The following ZNF557 variants were observed in gnomAD, a reference collection of about 807,000 sequenced individuals.
ZNF557 encodes zinc finger protein 557, also known as CTB-25J19.9.
In ZNF557, 19 loss-of-function variants were observed where a neutral mutation model predicts 21.2. That is an observed-to-expected ratio of 0.90 (90% CI 0.63 to 1.32). The LOEUF is 1.32. ZNF557 is among the 40% of genes most tolerant of loss of function. The pLI, the probability that ZNF557 is intolerant of heterozygous loss-of-function variation, is 0.00. For missense variants in ZNF557, 487 were observed against 519.8 expected, an observed-to-expected ratio of 0.94 and a Z score of 0.61; for synonymous variants, 207 against 194.8, an observed-to-expected ratio of 1.06 and a Z score of -0.52.
intron 4 of ZNF557, 68 bp downstream of exon 4, chr19:7,075,811 A>G (rs1977577282): frequency 3.2e-6 from 5 of 1,578,422 alleles, no homozygotes; most frequent in Middle Eastern, 1.7e-4. Context: ...GATGCCTTTC[A>G]GTGGCCTGGA....
rs1350947923 is a variant in ZNF557 at position 7,083,326 on chromosome 19, A to G, written c.875A>G (p.Tyr292Cys). The change falls in exon 8 of 8, where the codon TAT becomes TGT. Residue 292 changes from tyrosine (Y) to cysteine (C), a missense_variant. Transcript: ENST00000252840. ...AGAGTTCATACGGGGGAGGGTCATTATGTATGTAATCAGTGTGGAAAGGCT... is the reference window on the plus strand; with the variant it reads ...AGAGTTCATACGGGGGAGGGTCATTGTGTATGTAATCAGTGTGGAAAGGCT... ...HKRVHTGEGHYVCNQCGKAFG... is the reference protein window; with the variant it reads ...HKRVHTGEGHCVCNQCGKAFG... 1.9e-6 allele frequency: 3 copies of G among 1,614,214 alleles called. No homozygotes were observed. The highest frequency in any genetic ancestry group is 8.5e-7 in the Non-Finnish European group (1 of 1,180,032).
chr19:7,082,836 A>G, intron 7 of ZNF557, 42 bp from the exon 8 acceptor site: 1 of 1,513,152 alleles, frequency 6.6e-7, no homozygotes, highest in Non-Finnish European at 8.8e-7. Context: ...TCAATGTTAA[A>G]AATATTATAA....
chr19:7,081,890 G>A (rs1471749135), intron 6 of ZNF557, 80 bp from the exon 7 acceptor site: 28 of 1,065,542 alleles, frequency 2.6e-5, no homozygotes, highest in East Asian at 7.1e-5. Flanking sequence ...CTTCACTCAC[G>A]TATGCATTTT....
intron 5 of ZNF557, among the ~76,000 whole-genome samples, chr19:7,077,192 G>A (rs1035011727): frequency 7.9e-6 from 1 of 126,916 alleles, no homozygotes; most frequent in South Asian, 2.4e-4. Flanking sequence ...CTGGAGTGCA[G>A]TGGTGTGATC....
In ZNF557 at chr19:7,083,308, A is replaced by G; in HGVS notation, c.857A>G (p.His286Arg). The G allele has an allele frequency of 6.2e-7, 1 of 1,614,232 alleles. No individual in the cohort carries two copies. ...QSIFTRHKRV[H>R]TGEGHYVCNQ... ...ATCTTCACAAGGCACAAGAGAGTTC[A>G]TACGGGGGAGGGTCATTATGTATGT... is the stretch of plus-strand genomic sequence containing the variant. The change falls in exon 8 of 8, where the codon CAT becomes CGT. Residue 286 changes from histidine (H) to arginine (R), a missense_variant. Transcript: ENST00000252840.
chr19:7,083,618 A>C lies in ZNF557; in HGVS notation c.1167A>C (p.Ser389=), dbSNP rs966591. The stretch of plus-strand genomic sequence containing the variant: ...GTGGAAAATCCTTTAATGTTCTCTC[A>C]TCCGTTAAGAAACACATGAGAACTC... The part of the protein sequence containing the change: ...SDCGKSFNVL[S]SVKKHMRTHT... Residue 389 remains serine, a synonymous_variant, in exon 8 of 8, where the codon TCA becomes TCC. Coordinates refer to ENST00000252840, the MANE Select transcript of ZNF557 (RefSeq NM_024341.3). The C allele has an allele frequency of 1.9e-6, 3 of 1,613,540 alleles. No homozygotes were observed. The African/African-American group carries it at 4.0e-5, about 22-fold the overall frequency.
rs754682185 is a variant in ZNF557, at chr19:7,075,643, C to A, written c.32-12C>A. The A allele has an allele frequency of 3.3e-5, 54 of 1,612,474 alleles. No homozygotes were observed. The Middle Eastern group carries it at 9.9e-4, about 30-fold the overall frequency. ...AGGTGTGGATTCCTGGTACTCATTT[C>A]TCCTCCTCCAGCTCTGTCTTCCCTG... On this transcript the variant is annotated splice_polypyrimidine_tract_variant and intron_variant, in intron 3 of 7. Coordinates refer to ENST00000252840, the MANE Select transcript of ZNF557 (RefSeq NM_024341.3).
At position 7,083,311 on chromosome 19, in the gene ZNF557, CG is replaced by C. The variant is rs761657221; in HGVS notation, c.865del (p.Glu289ArgfsTer47). 6.2e-7 allele frequency: 1 copy of C among 1,614,112 alleles called. No individual in the cohort carries two copies. Among genetic ancestry groups the C allele is most frequent in the South Asian group, 1.1e-5 (1 of 91,084 alleles). On this transcript the variant is annotated frameshift_variant, in exon 8 of 8. Coordinates refer to ENST00000252840, the MANE Select transcript of ZNF557 (RefSeq NM_024341.3). LOFTEE classifies it low-confidence loss of function (END_TRUNC). Reference sequence around the variant, plus strand: ...TTCACAAGGCACAAGAGAGTTCATACGGGGGAGGGTCATTATGTATGTAATC... The same window carrying C: ...TTCACAAGGCACAAGAGAGTTCATACGGGGAGGGTCATTATGTATGTAATC... ...SIFTRHKRVH[T>X]GEGHYVCNQC...
At chr19:7,070,694 G>C (rs977721502) in intron 2 of ZNF557, 41 bp downstream of exon 2, 3 of 151,978 alleles carry the variant, frequency 2.0e-5, no homozygotes, top group Non-Finnish European at 4.4e-5. Context: ...AGACTCCACT[G>C]TGTAGAAAAC....
At chr19:7,074,527 T>C (rs1343322305) in intron 2 of ZNF557, among the ~76,000 whole-genome samples, 1 of 151,448 alleles carries the variant, frequency 6.6e-6, no homozygotes, top group East Asian at 1.9e-4. Context: ...TACACAACTT[T>C]TACATTTGTG....
intron 5 of ZNF557, among the ~76,000 whole-genome samples, chr19:7,080,176 T>C (rs1977669396): frequency 6.6e-6 from 1 of 152,058 alleles, no homozygotes; most frequent in Non-Finnish European, 1.5e-5. Context: ...TGGTGGCAAA[T>C]GCTTGTAATC....
intron 2 of ZNF557, among the ~76,000 whole-genome samples, chr19:7,073,567 C>T (rs146147395): frequency 0.01 from 1,554 of 152,240 alleles, 15 homozygotes; most frequent in Non-Finnish European, 0.013. Flanking sequence ...GTTCTGTTAA[C>T]ACCACAGAGA....
intron 5 of ZNF557, among the ~76,000 whole-genome samples, chr19:7,080,214 G>A (rs1977670236): frequency 6.6e-6 from 1 of 152,118 alleles, no homozygotes; most frequent in South Asian, 2.1e-4. Context: ...TGAGGCAGGA[G>A]AATTGCTTGA....
At position 7,081,398 on chromosome 19, in the gene ZNF557, G is replaced by C; in HGVS notation, c.286G>C (p.Glu96Gln). ...VDKPRLISQL[E>Q]QEDKVMTEER... ...TAAACCTAGGCTGATCTCCCAGCTG[G>C]AGCAAGAAGATAAAGTGATGACAGA... The change falls in exon 6 of 8, where the codon GAG becomes CAG. Residue 96 changes from glutamate to glutamine, a missense_variant. Transcript: ENST00000252840. The C allele has an allele frequency of 6.2e-7, 1 of 1,613,898 alleles. No individual in the cohort carries two copies. The highest frequency in any genetic ancestry group is 1.1e-5 in the South Asian group (1 of 91,042).
At position 7,083,449 on chromosome 19, in the gene ZNF557, C is replaced by T. The variant is rs1366522171; in HGVS notation, c.998C>T (p.Ser333Leu). The T allele has an allele frequency of 1.2e-5, 20 of 1,613,950 alleles. No individual in the cohort carries two copies. The highest frequency in any genetic ancestry group is 6.7e-5 in the Admixed American group (4 of 59,984). ...TGTGGGAGAACCTTCAGGAGGAGGT[C>T]GAATCTGACACAGCACATAAGAACT... Reference protein sequence around the residue: ...HDCGRTFRRRSNLTQHIRTHT... With the variant: ...HDCGRTFRRRLNLTQHIRTHT... Residue 333 changes from serine (S) to leucine (L), a missense_variant, in exon 8 of 8, where the codon TCG (serine) becomes TTG (leucine). Ser to Leu is a moderately radical substitution (Grantham distance 145). Coordinates refer to ENST00000252840, the MANE Select transcript of ZNF557 (RefSeq NM_024341.3).
intron 5 of ZNF557, among the ~76,000 whole-genome samples, chr19:7,079,228 CATTT>C (rs1977643110): frequency 1.4e-5 from 1 of 71,930 alleles, no homozygotes; most frequent in Non-Finnish European, 2.9e-5. Context: ...CAGTTTCATT[CATTT>C]TTTGTTTCTT....
At position 7,082,024 on chromosome 19, in the gene ZNF557, G is replaced by A. The variant is rs77509588; in HGVS notation, c.398G>A (p.Arg133Gln). 4,623 of 1,613,732 alleles carry A rather than the reference G, an allele frequency of 2.9e-3. 97 individuals are homozygous for A. In the African/African-American group the frequency reaches 0.051, roughly 18 times the overall value. ...TTAACTCCTAAGCTGCATGTTTTTC[G>A]AAAAGAACAATCTAGAAATATGAAA... ...KGLTPKLHVF[R>Q]KEQSRNMKME... Residue 133 changes from arginine to glutamine, a missense_variant, in exon 7 of 8, where the codon CGA (arginine) becomes CAA (glutamine). Coordinates refer to ENST00000252840, the MANE Select transcript of ZNF557 (RefSeq NM_024341.3).
In ZNF557 at chr19:7,083,039, T is replaced by C. The variant is rs762282707; in HGVS notation, c.588T>C (p.Ala196=). The change falls in exon 8 of 8, where the codon GCT becomes GCC. Residue 196 remains alanine, a synonymous_variant. Transcript: ENST00000252840. The stretch of plus-strand genomic sequence containing the variant: ...CCTACAGCAGTAGATCTTACCTTGC[T>C]GTTCATAAGAGAATCCACAATGGGG... ...GKSYSSRSYL[A]VHKRIHNGEK... is the part of the protein sequence containing the mutation. 2.5e-6 allele frequency: 4 copies of C among 1,614,056 alleles called. No individual in the cohort carries two copies. The highest frequency in any genetic ancestry group is 1.7e-5 in the Admixed American group (1 of 60,002).
chr19:7,071,407 A>C (rs12985591), intron 2 of ZNF557, among the ~76,000 whole-genome samples: 5 of 152,224 alleles, frequency 3.3e-5, no homozygotes, highest in Admixed American at 3.3e-4. Flanking sequence ...CAAGTGCTTG[A>C]CAGCGACATG....
Sources: allele counts gnomAD v4.1 joint callset (sites outside exome capture counted in the v4.1 genomes callset), GRCh38; gene constraint gnomAD v4.1.1; transcripts MANE v1.5; gene names NCBI Gene and HGNC (gene_info 2026-07-23, HGNC 2026-07-21).